The following AGAP1 variants were observed in gnomAD, a reference collection of about 807,000 sequenced individuals.
AGAP1 encodes the protein ArfGAP with GTPase domain, ankyrin repeat and PH domain 1, also known as arf-GAP with GTPase, ANK repeat and PH domain-containing protein 1.
AGAP1 carries 29 observed loss-of-function variants against 105.3 expected under a neutral mutation model. The observed-to-expected ratio is 0.28, with a 90% CI of 0.21 to 0.38. The LOEUF is 0.38. Among genes scored for constraint, AGAP1 ranks in the 10% least tolerant of loss-of-function variants. AGAP1 has a pLI of 1.00. For synonymous variants in AGAP1, 509 were observed against 485.9 expected, an observed-to-expected ratio of 1.05 and a Z score of -0.63; for missense variants, 998 against 1,165.1, an observed-to-expected ratio of 0.86 and a Z score of 2.09.
intron 6 of AGAP1, among the ~76,000 whole-genome samples, chr2:235,780,349 C>G (rs186563108): frequency 6.6e-5 from 10 of 152,128 alleles, no homozygotes; most frequent in Admixed American, 2.0e-4. Flanking sequence ...GGATTCTGCC[C>G]ATAAAACTTA....
intron 1 of AGAP1, chr2:235,507,551 AAAATC>A (rs1941876747): frequency 6.6e-6 from 1 of 152,180 alleles, no homozygotes; most frequent in South Asian, 2.1e-4. Context: ...CTCACTGAAT[AAAATC>A]CGTAATAGCA....
chr2:235,587,755 TAAAAAA>T (rs35736390), intron 1 of AGAP1, among the ~76,000 whole-genome samples: 2 of 145,344 alleles, frequency 1.4e-5, no homozygotes, highest in Non-Finnish European at 3.0e-5. Context: ...AACTCCGCCT[TAAAAAA>T]AAAAAAAGTC....
At position 235,957,648 on chromosome 2, in the gene AGAP1, C is replaced by A. The variant is rs1216218480; in HGVS notation, c.1484-10814C>A. On this transcript the variant is annotated intron_variant, in intron 12 of 17. Transcript: ENST00000304032. This position sits in a 1 kb window ranked among gnomAD's most constrained non-coding sequence, Gnocchi z 4.6. ...TCACACTCACCTTTTAACAGAGACC[C>A]AGGATGTTGTGATTTCCTTGGATGG... Among the ~76,000 whole-genome samples, 1 of 152,184 alleles carries A rather than the reference C, an allele frequency of 6.6e-6. No individual in the cohort carries two copies. Among genetic ancestry groups the A allele is most frequent in the Non-Finnish European group, 1.5e-5 (1 of 68,034 alleles).
At chr2:235,652,439 C>T (rs1210663819) in intron 1 of AGAP1, among the ~76,000 whole-genome samples, 1 of 152,138 alleles carries the variant, frequency 6.6e-6, no homozygotes, top group Non-Finnish European at 1.5e-5. Context: ...AAGCAAGTCA[C>T]CTGTCTGTGG....
rs946884443 is a variant in AGAP1 at position 235,877,034 on chromosome 2, G to C, written c.1051-6311G>C. 5.3e-5 allele frequency among the ~76,000 whole-genome samples: 8 copies of C among 151,900 alleles called. No homozygotes were observed. The highest frequency in any genetic ancestry group is 1.7e-4 in the African/African-American group (7 of 41,346). ...GGCTAATTTTTGTATTTTTAGTAGA[G>C]TTGGGGCTTCACCATTTGGTCAGGC... On this transcript the variant is annotated intron_variant, in intron 9 of 17. Transcript: ENST00000304032. This position sits in a 1 kb window ranked among gnomAD's most constrained non-coding sequence, Gnocchi z 4.3.
Position 235,971,924 on chromosome 2 carries a change from A to G in AGAP1, c.1645+3301A>G, listed in dbSNP as rs1015566965. Among the ~76,000 whole-genome samples the G allele has an allele frequency of 4.6e-5, 7 of 151,604 alleles. No homozygotes were observed. Among genetic ancestry groups the G allele is most frequent in the African/African-American group, 1.7e-4 (7 of 41,250 alleles). On this transcript the variant is annotated intron_variant, in intron 13 of 17. Coordinates refer to ENST00000304032, the MANE Select transcript of AGAP1 (RefSeq NM_001037131.3). The surrounding 1 kb of genome is among the most constrained non-coding windows in gnomAD (Gnocchi z 4.8). ...CTCCCAAGTAGCTGGGACCACAGGC[A>G]GGCACCACGACACCTGGCTAATTTT...
intron 1 of AGAP1, among the ~76,000 whole-genome samples, chr2:235,703,805 G>T (rs7601161): frequency 6.6e-6 from 1 of 151,870 alleles, no homozygotes; most frequent in African/African-American, 2.4e-5. Flanking sequence ...CCATGTTGAC[G>T]AGGCTAGTCT....
At position 235,723,014 on chromosome 2, in the gene AGAP1, G is replaced by A. The variant is rs1031173340; in HGVS notation, c.310+5370G>A. Among the ~76,000 whole-genome samples the A allele has an allele frequency of 3.3e-5, 5 of 152,234 alleles. No individual in the cohort carries two copies. Among genetic ancestry groups the A allele is most frequent in the Admixed American group, 1.3e-4 (2 of 15,298 alleles). ...TTAGAGAAGCTTGGTTTAGACGGTC[G>A]CTGCACTTAGAACTGTTGGAGTTGG... is the stretch of plus-strand genomic sequence containing the variant. On this transcript the variant is annotated intron_variant, in intron 3 of 17. Transcript: ENST00000304032. This position sits in a 1 kb window ranked among gnomAD's most constrained non-coding sequence, Gnocchi z 6.2.
chr2:235,802,660 G>T (rs1049222306), intron 8 of AGAP1, among the ~76,000 whole-genome samples: 1 of 142,380 alleles, frequency 7.0e-6, no homozygotes, highest in African/African-American at 2.8e-5. Context: ...TGATGATGAT[G>T]GTTGTGGTTG....
rs558231592 is a variant in AGAP1, at chr2:236,002,046, C to T, written c.1645+33423C>T. 1.3e-5 allele frequency among the ~76,000 whole-genome samples: 2 copies of T among 152,316 alleles called. No individual in the cohort carries two copies. The highest frequency in any genetic ancestry group is 4.1e-4 in the South Asian group (2 of 4,820). On this transcript the variant is annotated intron_variant, in intron 13 of 17. Transcript: ENST00000304032. This position sits in a 1 kb window ranked among gnomAD's most constrained non-coding sequence, Gnocchi z 4.3. ...GACTGGGTGAGGACACCATGAGAAA[C>T]AGCTAGACTTGGGATGTCTGTGTTG...
chr2:236,083,741 T>C lies in AGAP1; in HGVS notation c.2114+34460T>C, dbSNP rs2058848417. ...TTAAAAATACTGCACATTAAGTCTG[T>C]TTTTTTACAGAAGGATAAATGGATG... On this transcript the variant is annotated intron_variant, in intron 16 of 17. Coordinates refer to ENST00000304032, the MANE Select transcript of AGAP1 (RefSeq NM_001037131.3). This position sits in a 1 kb window ranked among gnomAD's most constrained non-coding sequence, Gnocchi z 5.3. 6.6e-6 allele frequency among the ~76,000 whole-genome samples: 1 copy of C among 152,170 alleles called. No individual in the cohort carries two copies. Among genetic ancestry groups the C allele is most frequent in the South Asian group, 2.1e-4 (1 of 4,818 alleles).
At chr2:235,807,381 G>C in intron 9 of AGAP1, 50 bp downstream of exon 9, 2 of 1,513,976 alleles carry the variant, frequency 1.3e-6, no homozygotes, top group South Asian at 2.5e-5. Flanking sequence ...ATACACCTCA[G>C]GTCTTCCTGG....
intron 1 of AGAP1, among the ~76,000 whole-genome samples, chr2:235,542,330 A>C (rs1341155855): frequency 1.3e-5 from 2 of 152,266 alleles, no homozygotes; most frequent in Middle Eastern, 6.8e-3. Context: ...GCCTTCAGGG[A>C]GCCCGCCCTT....
rs1467890148 is a variant in AGAP1 at position 235,736,736 on chromosome 2, G to A, written c.311-4227G>A. Among the ~76,000 whole-genome samples, 1 of 152,176 alleles carries A rather than the reference G, an allele frequency of 6.6e-6. No individual in the cohort carries two copies. Among genetic ancestry groups the A allele is most frequent in the Admixed American group, 6.5e-5 (1 of 15,282 alleles). On this transcript the variant is annotated intron_variant, in intron 3 of 17. Transcript: ENST00000304032. This position sits in a 1 kb window ranked among gnomAD's most constrained non-coding sequence, Gnocchi z 5.5. ...ATGTCCGTGGTCCCAGCTACTCAGG[G>A]AGGCTGAGGTGGGAGGATCTTTTGA...
chr2:235,886,631 G>T (rs75929808), intron 10 of AGAP1, among the ~76,000 whole-genome samples: 2,413 of 152,230 alleles, frequency 0.016, 68 homozygotes, highest in African/African-American at 0.054. Flanking sequence ...TTGTATAATT[G>T]TATAGCAAGC....
At chr2:235,637,985 G>A (rs1283126619) in intron 1 of AGAP1, among the ~76,000 whole-genome samples, 3 of 152,130 alleles carry the variant, frequency 2.0e-5, no homozygotes, top group Non-Finnish European at 2.9e-5. Flanking sequence ...GCATGGGTGA[G>A]GCAGATTATC....
intron 10 of AGAP1, among the ~76,000 whole-genome samples, chr2:235,896,613 C>T (rs1575724538): frequency 6.6e-6 from 1 of 152,320 alleles, no homozygotes; most frequent in Middle Eastern, 3.4e-3. Flanking sequence ...AAGAAAACCA[C>T]CCAGCAATGA....
rs143197231 is a variant in AGAP1, at chr2:236,048,979, G to A, written c.1892-80G>A. 1.4e-3 allele frequency: 1,834 copies of A among 1,341,170 alleles called. 17 individuals are homozygous for A. In the African/African-American group the frequency reaches 0.024, roughly 17 times the overall value. 83.1% of individuals were successfully genotyped at this position (1,341,170 alleles called of 1,614,324 possible). ...TGTCGTTGTGAAGTTTGACTGATTC[G>A]TCGCCTTGTGTTTCTAAGAACGGTT... On this transcript the variant is annotated intron_variant, in intron 15 of 17. Coordinates refer to ENST00000304032, the MANE Select transcript of AGAP1 (RefSeq NM_001037131.3).
In AGAP1 at chr2:235,541,376, CTTTTTTTTTTTTTT is replaced by C. The variant is rs556785424; in HGVS notation, c.163+46543_163+46556del. ...ATTATTTCCTTTTTCCATTCTTATT[CTTTTTTTTTTTTTT>C]TTTTTTTTTTTTTTTGAGACGAAGT... On this transcript the variant is annotated intron_variant, in intron 1 of 17. Coordinates refer to ENST00000304032, the MANE Select transcript of AGAP1 (RefSeq NM_001037131.3). Among the ~76,000 whole-genome samples the C allele has an allele frequency of 1.3e-3, 121 of 91,086 alleles. 2 individuals are homozygous for C. Among genetic ancestry groups the C allele is most frequent in the Admixed American group, 2.8e-3 (20 of 7,272 alleles). The allele number at this position is 91,086 out of a possible 152,430, so 59.8% of individuals were successfully genotyped here.
Sources: gnomAD v4.1 joint callset for allele counts (sites outside exome capture counted in the v4.1 genomes callset) on GRCh38, gnomAD v4.1.1 for gene constraint, Gnocchi (gnomAD v3.1) non-coding constraint, MANE v1.5 for transcripts, NCBI Gene and HGNC (gene_info 2026-07-23, HGNC 2026-07-21) for gene names.